Variants in KSR2 observed in about 807,000 individuals in gnomAD.
The protein encoded by KSR2 is kinase suppressor of ras 2.
In KSR2, 25 loss-of-function variants were observed where a neutral mutation model predicts 107.8. The observed-to-expected ratio is 0.23, with a 90% CI of 0.17 to 0.32. The LOEUF (loss-of-function observed/expected upper bound fraction) is 0.32. Among genes scored for constraint, KSR2 ranks in the 10% least tolerant of loss-of-function variants. KSR2 has a pLI of 1.00. For synonymous variants in KSR2, 480 were observed against 507.0 expected, an observed-to-expected ratio of 0.95 and a Z score of 0.71; for missense variants, 887 against 1,268.9, an observed-to-expected ratio of 0.70 and a Z score of 4.57.
chr12:117,713,349 AGTAGATAGATAG>A (rs902003002), intron 4 of KSR2, among the ~76,000 whole-genome samples: 7 of 150,860 alleles, frequency 4.6e-5, no homozygotes, highest in Admixed American at 1.3e-4. Context: ...CTAAGTAGAC[AGTAGATAGATAG>A]GTAGATAGAT....
At chr12:117,793,006 CCAA>C in intron 3 of KSR2, among the ~76,000 whole-genome samples, 1 of 146,640 alleles carries the variant, frequency 6.8e-6, no homozygotes, top group Non-Finnish European at 1.5e-5. Context: ...CGCACACACA[CCAA>C]CAGTACGCAC....
intron 5 of KSR2, among the ~76,000 whole-genome samples, chr12:117,653,191 T>C (rs1444806630): frequency 6.6e-6 from 1 of 152,224 alleles, no homozygotes; most frequent in Non-Finnish European, 1.5e-5. Context: ...TGACAGTGGA[T>C]TATCATAAGC....
intron 3 of KSR2, among the ~76,000 whole-genome samples, chr12:117,787,442 G>A (rs1890117104): frequency 1.3e-5 from 2 of 152,130 alleles, no homozygotes; most frequent in Non-Finnish European, 2.9e-5. Context: ...AGATGGGCCT[G>A]GCCAAGATGG....
At chr12:117,953,765 C>A (rs1215227494) in intron 1 of KSR2, among the ~76,000 whole-genome samples, 1 of 152,148 alleles carries the variant, frequency 6.6e-6, no homozygotes, top group Non-Finnish European at 1.5e-5. Flanking sequence ...TATAAGTGTA[C>A]TTAAGGCCAA....
chr12:117,768,230 C>G (rs1418581707), intron 3 of KSR2, among the ~76,000 whole-genome samples: 2 of 152,202 alleles, frequency 1.3e-5, no homozygotes, highest in African/African-American at 4.8e-5. Flanking sequence ...CAAATGCAGA[C>G]AAGTGGACTG....
Position 117,761,668 on chromosome 12 carries a change from C to T in KSR2, c.473-144G>A, listed in dbSNP as rs575738777. 37 of 768,976 alleles carry T rather than the reference C, an allele frequency of 4.8e-5. No homozygotes were observed. The East Asian group carries it at 7.5e-4, about 16-fold the overall frequency. The allele number at this position is 768,976 out of a possible 1,614,324, so 47.6% of individuals were successfully genotyped here. ...ATGTTACACTATATACCTGTTACATCGTATGCATGTTATCTCATATGCAAA... is the reference window on the plus strand; with the variant it reads ...ATGTTACACTATATACCTGTTACATTGTATGCATGTTATCTCATATGCAAA... On this transcript the variant is annotated intron_variant, in intron 3 of 19. Transcript: ENST00000339824.
chr12:117,457,784 C>CAAAG lies in KSR2; in HGVS notation c.*9411_*9414dup, dbSNP rs1870694890. 2.0e-5 allele frequency: 3 copies of CAAAG among 152,202 alleles called. No individual in the cohort carries two copies. Among genetic ancestry groups the CAAAG allele is most frequent in the Admixed American group, 2.0e-4 (3 of 15,272 alleles). The allele number at this position is 152,202 out of a possible 1,614,324, so 9.4% of individuals were successfully genotyped here. ...CCAATGCCCAGGACAGTCGCCACCTCAAAGAATTATCTGGCCCCAAATAGC... is the reference window on the plus strand; with the variant it reads ...CCAATGCCCAGGACAGTCGCCACCTCAAAGAAAGAATTATCTGGCCCCAAATAGC... On this transcript the variant is annotated 3_prime_UTR_variant, in exon 20 of 20. Coordinates refer to ENST00000339824, the MANE Select transcript of KSR2 (RefSeq NM_173598.6).
chr12:117,777,126 T>C lies in KSR2; in HGVS notation c.473-15602A>G, dbSNP rs1442890144. Among the ~76,000 whole-genome samples the C allele has an allele frequency of 1.1e-4, 12 of 112,776 alleles. No individual in the cohort carries two copies. In the South Asian group the frequency reaches 2.9e-3, roughly 28 times the overall value. The allele number at this position is 112,776 out of a possible 152,430, so 74.0% of individuals were successfully genotyped here. ...TATATATACACACACACACCATATATATATACACTATATTATATATATATA... is the reference window on the plus strand; with the variant it reads ...TATATATACACACACACACCATATACATATACACTATATTATATATATATA... On this transcript the variant is annotated intron_variant, in intron 3 of 19. Transcript: ENST00000339824.
intron 1 of KSR2, among the ~76,000 whole-genome samples, chr12:117,909,246 T>C (rs1313291815): frequency 1.3e-5 from 2 of 152,208 alleles, no homozygotes; most frequent in African/African-American, 4.8e-5. Context: ...TCAGCCTGAC[T>C]AAAATTTGAA....
chr12:117,793,239 CCAA>C (rs1352123816), intron 3 of KSR2, among the ~76,000 whole-genome samples: 1 of 142,892 alleles, frequency 7.0e-6, no homozygotes, highest in Non-Finnish European at 1.5e-5. Flanking sequence ...TGCACACACA[CCAA>C]CCTGCACACA....
At chr12:117,662,554 GA>G (rs1238596206) in intron 5 of KSR2, among the ~76,000 whole-genome samples, 2 of 152,204 alleles carry the variant, frequency 1.3e-5, no homozygotes, top group African/African-American at 4.8e-5. Context: ...CAAAGAGCAG[GA>G]GTTGCTTAGA....
At chr12:117,753,588 C>T (rs1403612913) in intron 4 of KSR2, among the ~76,000 whole-genome samples, 1 of 152,156 alleles carries the variant, frequency 6.6e-6, no homozygotes, top group African/African-American at 2.4e-5. Flanking sequence ...CGCATGTTCT[C>T]ACTTTTAAGT....
intron 4 of KSR2, among the ~76,000 whole-genome samples, chr12:117,686,312 T>C (rs1421927142): frequency 6.7e-6 from 1 of 148,654 alleles, no homozygotes; most frequent in Non-Finnish European, 1.5e-5. Flanking sequence ...GTGATCCTCC[T>C]GCCTTGGTCT....
intron 4 of KSR2, among the ~76,000 whole-genome samples, chr12:117,680,654 G>A (rs1565958144): frequency 1.3e-5 from 2 of 152,270 alleles, no homozygotes; most frequent in East Asian, 3.9e-4. Flanking sequence ...ATGCATTATG[G>A]TGGACTGGTC....
intron 1 of KSR2, among the ~76,000 whole-genome samples, chr12:117,952,190 CAT>C (rs1488718571): frequency 1.3e-5 from 2 of 151,438 alleles, no homozygotes; most frequent in African/African-American, 4.9e-5. Flanking sequence ...CACACATACA[CAT>C]ACACATACAC....
intron 5 of KSR2, among the ~76,000 whole-genome samples, chr12:117,640,748 C>T (rs774128111): frequency 6.6e-6 from 1 of 152,124 alleles, no homozygotes; most frequent in Non-Finnish European, 1.5e-5. Flanking sequence ...GGCAAACAGC[C>T]GCCCAGAGCA....
intron 1 of KSR2, chr12:117,889,846 G>A (rs190594009): frequency 6.6e-6 from 1 of 152,328 alleles, no homozygotes; most frequent in Admixed American, 6.5e-5. Flanking sequence ...GTAGAGACCA[G>A]AATTGCTCTT....
intron 4 of KSR2, among the ~76,000 whole-genome samples, chr12:117,675,534 C>A (rs492479): frequency 0.75 from 113,904 of 152,144 alleles, 42,832 homozygotes; most frequent in Non-Finnish European, 0.77. Context: ...GCACATTCAG[C>A]AAACTGAATC....
chr12:117,761,673 G>T, intron 3 of KSR2, 149 bp from the exon 4 acceptor site: 1 of 758,112 alleles, frequency 1.3e-6, no homozygotes, highest in Non-Finnish European at 2.2e-6. Flanking sequence ...TACATCGTAT[G>T]CATGTTATCT....
Sources: allele counts gnomAD v4.1 joint callset (sites outside exome capture counted in the v4.1 genomes callset), GRCh38; gene constraint gnomAD v4.1.1; transcripts MANE v1.5; gene names NCBI Gene and HGNC (gene_info 2026-07-23, HGNC 2026-07-21).